The following POPDC3 variants were observed in gnomAD, a reference collection of about 807,000 sequenced individuals.
POPDC3 encodes the protein popeye domain cAMP effector 3, also known as popeye domain-containing protein 3.
A neutral mutation model predicts 28.2 loss-of-function variants in POPDC3; 20 were observed. The ratio of observed to expected loss-of-function variants is 0.71; its 90% CI spans 0.50 to 1.03. The LOEUF is 1.03. POPDC3 is among the 50% of genes least tolerant of loss of function. POPDC3 has a pLI of 0.00. For synonymous variants in POPDC3, 118 were observed against 124.1 expected, an observed-to-expected ratio of 0.95 and a Z score of 0.33; for missense variants, 316 against 345.9, an observed-to-expected ratio of 0.91 and a Z score of 0.69.
At chr6:105,175,103 G>A (rs1267205642) in intron 1 of POPDC3, among the ~76,000 whole-genome samples, 1 of 151,762 alleles carries the variant, frequency 6.6e-6, no homozygotes, top group Admixed American at 6.6e-5. Context: ...GGAGGCTGAG[G>A]TTGCAGTAAG....
At chr6:105,176,701 C>T (rs974372560) in intron 1 of POPDC3, among the ~76,000 whole-genome samples, 10 of 152,198 alleles carry the variant, frequency 6.6e-5, no homozygotes, top group Non-Finnish European at 1.2e-4. Flanking sequence ...GGACTGCAGG[C>T]GCACGCAACC....
At chr6:105,160,867 CTGGGATTACAGGTGTTTT>C (rs1415184769) in intron 2 of POPDC3, among the ~76,000 whole-genome samples, 10 of 152,140 alleles carry the variant, frequency 6.6e-5, no homozygotes, top group Admixed American at 6.5e-5. Flanking sequence ...TCCAAAAGTG[CTGGGATTACAGGTGTTTT>C]TGGGATTACA....
intron 1 of POPDC3, among the ~76,000 whole-genome samples, chr6:105,175,241 A>G (rs1283903230): frequency 1.3e-5 from 2 of 152,056 alleles, no homozygotes; most frequent in South Asian, 2.1e-4. Flanking sequence ...CAATATAAAC[A>G]TATTTTTAAA....
chr6:105,161,937 C>T lies in POPDC3; in HGVS notation c.-28G>A. The T allele has an allele frequency of 7.1e-6, 11 of 1,558,498 alleles. No individual in the cohort carries two copies. Among genetic ancestry groups the T allele is most frequent in the Non-Finnish European group, 9.5e-6 (11 of 1,156,306 alleles). On this transcript the variant is annotated 5_prime_UTR_variant, in exon 2 of 4. Coordinates refer to ENST00000254765, the MANE Select transcript of POPDC3 (RefSeq NM_022361.5). ...CTGTATTACTGCCTGCTTCACTTTT[C>T]AGTTGACTTTAGATGACACTGAAAC... is the stretch of plus-strand genomic sequence containing the variant.
chr6:105,160,357 G>A (rs137871673), intron 2 of POPDC3, among the ~76,000 whole-genome samples: 14 of 151,568 alleles, frequency 9.2e-5, no homozygotes, highest in East Asian at 2.0e-4. Context: ...GATTACAAGC[G>A]TGCACTACGA....
intron 3 of POPDC3, among the ~76,000 whole-genome samples, 183 bp downstream of exon 3, chr6:105,159,528 C>A (rs1774272770): frequency 6.6e-6 from 1 of 152,178 alleles, no homozygotes; most frequent in Non-Finnish European, 1.5e-5. Context: ...ATCGCTGGAC[C>A]TATAAAGTGG....
chr6:105,166,329 T>G (rs1052253064), intron 1 of POPDC3, among the ~76,000 whole-genome samples: 2 of 152,130 alleles, frequency 1.3e-5, no homozygotes, highest in African/African-American at 4.8e-5. Context: ...GGGGCCCAGC[T>G]CCAGAGACTG....
intron 1 of POPDC3, among the ~76,000 whole-genome samples, chr6:105,171,779 T>C (rs1463506716): frequency 7.0e-6 from 1 of 142,782 alleles, no homozygotes; most frequent in Non-Finnish European, 1.6e-5. Context: ...TTTTCAAAAC[T>C]GTGATCTATT....
At chr6:105,175,251 A>C (rs1485545415) in intron 1 of POPDC3, among the ~76,000 whole-genome samples, 1 of 151,584 alleles carries the variant, frequency 6.6e-6, no homozygotes, top group Non-Finnish European at 1.5e-5. Flanking sequence ...ATATTTTTAA[A>C]ATTGGGGCTG....
At chr6:105,166,736 T>C (rs1774463026) in intron 1 of POPDC3, 1 of 458,778 alleles carries the variant, frequency 2.2e-6, no homozygotes, top group South Asian at 1.6e-5. Context: ...TTATTATCTG[T>C]CTACATAGCC....
rs1473530782 is a variant in POPDC3, at chr6:105,159,834, G to C, written c.486-15C>G. ...TCACTCTGATCCTATCAAAACACAA[G>C]AACAACATTTATAAGGGAAGGAGAA... On this transcript the variant is annotated splice_polypyrimidine_tract_variant and intron_variant, in intron 2 of 3. Transcript: ENST00000254765. 5 of 1,518,436 alleles carry C rather than the reference G, an allele frequency of 3.3e-6. No individual in the cohort carries two copies. The Admixed American group carries it at 5.1e-5, about 16-fold the overall frequency. The allele number at this position is 1,518,436 out of a possible 1,614,324, so 94.1% of individuals were successfully genotyped here. A position where few individuals can be genotyped will look rare whatever the true frequency, so the allele number is the denominator to read the frequency against.
At chr6:105,178,744 T>C in intron 1 of POPDC3, 2 of 985,318 alleles carry the variant, frequency 2.0e-6, no homozygotes, top group Non-Finnish European at 2.4e-6. Context: ...TTTGGTTTTC[T>C]ATTGTCACAA....
intron 1 of POPDC3, among the ~76,000 whole-genome samples, chr6:105,175,698 C>T (rs560387191): frequency 4.8e-5 from 7 of 146,978 alleles, no homozygotes; most frequent in Non-Finnish European, 7.5e-5. Context: ...AAAAATTAGC[C>T]GGGCATGGTG....
chr6:105,166,286 A>G (rs1458896443), intron 1 of POPDC3, among the ~76,000 whole-genome samples: 3 of 152,202 alleles, frequency 2.0e-5, no homozygotes, highest in African/African-American at 7.2e-5. Flanking sequence ...GAACTGAATT[A>G]AGACTGCAGG....
At position 105,171,746 on chromosome 6, in the gene POPDC3, A is replaced by G. The variant is rs901238293; in HGVS notation, c.-252+8087T>C. On this transcript the variant is annotated intron_variant, in intron 1 of 3. Transcript: ENST00000254765. Reference sequence around the variant, plus strand: ...GAGCCTGCATTTTAGTGAAATTCCAATGTTAACACTATTTAAGTCCAGTTT... The same window carrying G: ...GAGCCTGCATTTTAGTGAAATTCCAGTGTTAACACTATTTAAGTCCAGTTT... Among the ~76,000 whole-genome samples, 40 of 141,506 alleles carry G rather than the reference A, an allele frequency of 2.8e-4. 1 individual carries two copies. Among genetic ancestry groups the G allele is most frequent in the Admixed American group, 2.5e-3 (37 of 14,512 alleles). 92.8% of individuals were successfully genotyped at this position (141,506 alleles called of 152,430 possible).
At chr6:105,174,539 G>A (rs891831528) in intron 1 of POPDC3, among the ~76,000 whole-genome samples, 2 of 152,164 alleles carry the variant, frequency 1.3e-5, no homozygotes, top group African/African-American at 4.8e-5. Context: ...GAAAACACAC[G>A]TTTGACTTAC....
At chr6:105,172,198 A>C (rs2114544342) in intron 1 of POPDC3, among the ~76,000 whole-genome samples, 1 of 151,386 alleles carries the variant, frequency 6.6e-6, no homozygotes, top group Admixed American at 6.6e-5. Flanking sequence ...AAAAAAACAA[A>C]CAACCTCATC....
At chr6:105,159,879 AG>A in intron 2 of POPDC3, 60 bp from the exon 3 acceptor site, 2 of 944,688 alleles carry the variant, frequency 2.1e-6, no homozygotes. Flanking sequence ...ATAATTGGGG[AG>A]GGGTGGGGGG....
intron 1 of POPDC3, among the ~76,000 whole-genome samples, chr6:105,163,923 T>C (rs1365058489): frequency 2.0e-5 from 3 of 152,350 alleles, no homozygotes; most frequent in South Asian, 2.1e-4. Context: ...GGTGATGAAA[T>C]TGAAGACAGG....
Sources: gnomAD v4.1 joint callset for allele counts (sites outside exome capture counted in the v4.1 genomes callset) on GRCh38, gnomAD v4.1.1 for gene constraint, MANE v1.5 for transcripts, NCBI Gene and HGNC (gene_info 2026-07-23, HGNC 2026-07-21) for gene names.